BMP5: variants seen among roughly 807,000 people sequenced by gnomAD.
BMP5 encodes the protein bone morphogenetic protein 5.
BMP5 carries 23 observed loss-of-function variants against 46.6 expected under a neutral mutation model. That is an observed-to-expected ratio of 0.49 (90% CI 0.35 to 0.70). The LOEUF (loss-of-function observed/expected upper bound fraction) is 0.70. BMP5 is among the 30% of genes least tolerant of loss of function. The probability of loss-of-function intolerance (pLI) is 0.00; values close to 1 mark genes in which losing one functional copy is unlikely to be tolerated. For missense variants in BMP5, 545 were observed against 565.6 expected, an observed-to-expected ratio of 0.96 and a Z score of 0.37; for synonymous variants, 204 against 191.9, an observed-to-expected ratio of 1.06 and a Z score of -0.52.
intron 3 of BMP5, among the ~76,000 whole-genome samples, chr6:55,776,093 T>C (rs912903154): frequency 6.6e-6 from 1 of 151,990 alleles, no homozygotes; most frequent in African/African-American, 2.4e-5. Flanking sequence ...ATCAAAGCAG[T>C]AAACCTTAAA....
At position 55,873,070 on chromosome 6, in the gene BMP5, A is replaced by G. The variant is rs559388319; in HGVS notation, c.490+1306T>C. Among the ~76,000 whole-genome samples, 41 of 151,984 alleles carry G rather than the reference A, an allele frequency of 2.7e-4. 1 individual carries two copies. In the South Asian group the frequency reaches 8.5e-3, roughly 31 times the overall value. On this transcript the variant is annotated intron_variant, in intron 1 of 6. Transcript: ENST00000370830. The stretch of plus-strand genomic sequence containing the variant: ...ACTTAATAATGAGACCTTTGTCTCT[A>G]GCAACATAAAACGTACGATTTATTA...
chr6:55,817,592 G>A (rs912194001), intron 2 of BMP5, among the ~76,000 whole-genome samples: 5 of 151,816 alleles, frequency 3.3e-5, no homozygotes, highest in African/African-American at 1.2e-4. Flanking sequence ...ACACACTGGG[G>A]ACTGTTGTGG....
At chr6:55,792,337 T>A (rs1027809688) in intron 3 of BMP5, among the ~76,000 whole-genome samples, 1 of 151,858 alleles carries the variant, frequency 6.6e-6, no homozygotes, top group Non-Finnish European at 1.5e-5. Flanking sequence ...ATCGAGACCA[T>A]CCTGGCTAAC....
intron 1 of BMP5, among the ~76,000 whole-genome samples, chr6:55,837,486 C>T (rs1225029870): frequency 1.4e-4 from 22 of 151,884 alleles, no homozygotes; most frequent in Admixed American, 1.4e-3. Context: ...TCATTAAGTA[C>T]TCCTTTATTT....
At chr6:55,854,396 T>A (rs2127551220) in intron 1 of BMP5, among the ~76,000 whole-genome samples, 1 of 152,088 alleles carries the variant, frequency 6.6e-6, no homozygotes, top group East Asian at 1.9e-4. Context: ...TTCATTTCAA[T>A]AAAATTAATG....
chr6:55,810,574 T>A (rs932138407), intron 2 of BMP5, among the ~76,000 whole-genome samples: 1 of 152,210 alleles, frequency 6.6e-6, no homozygotes, highest in African/African-American at 2.4e-5. Flanking sequence ...TCAACCATTT[T>A]TCATGCAGTG....
chr6:55,859,066 A>C (rs1777470534), intron 1 of BMP5, among the ~76,000 whole-genome samples: 1 of 152,212 alleles, frequency 6.6e-6, no homozygotes, highest in Non-Finnish European at 1.5e-5. Context: ...ACCATGGCAC[A>C]TGTATATCTA....
chr6:55,756,646 G>A lies in BMP5; in HGVS notation c.1216-964C>T, dbSNP rs565044876. On this transcript the variant is annotated intron_variant, in intron 6 of 6. Transcript: ENST00000370830. ...CCTCTTACAGTTTTGGCTGTACAAC[G>A]TCCTGGCTGAAATGATATAGGGGCC... Among the ~76,000 whole-genome samples the A allele has an allele frequency of 4.6e-5, 7 of 151,934 alleles. No homozygotes were observed. The South Asian group carries it at 8.3e-4, about 18-fold the overall frequency.
chr6:55,864,846 A>C (rs997200447), intron 1 of BMP5, among the ~76,000 whole-genome samples: 1 of 152,200 alleles, frequency 6.6e-6, no homozygotes, highest in Non-Finnish European at 1.5e-5. Context: ...CCTGTTTAAA[A>C]AATTATAAGT....
rs114646103 is a variant in BMP5, at chr6:55,833,417, T to C, written c.491-13570A>G. Among the ~76,000 whole-genome samples, 899 of 152,300 alleles carry C rather than the reference T, an allele frequency of 5.9e-3. 7 individuals carry two copies. The highest frequency in any genetic ancestry group is 0.02 in the African/African-American group (831 of 41,576). On this transcript the variant is annotated intron_variant, in intron 1 of 6. Transcript: ENST00000370830. Reference sequence around the variant, plus strand: ...CCTATGCCACATTGGTTTTAACACATAGTGAAAACAAAAATTATCTCAAAC... The same window carrying C: ...CCTATGCCACATTGGTTTTAACACACAGTGAAAACAAAAATTATCTCAAAC...
At chr6:55,787,295 T>A (rs1775472548) in intron 3 of BMP5, among the ~76,000 whole-genome samples, 1 of 151,744 alleles carries the variant, frequency 6.6e-6, no homozygotes, top group Non-Finnish European at 1.5e-5. Context: ...TTACTAAATT[T>A]AAGTAGATAT....
At chr6:55,808,807 C>A (rs923226931) in intron 2 of BMP5, among the ~76,000 whole-genome samples, 12 of 152,158 alleles carry the variant, frequency 7.9e-5, no homozygotes, top group African/African-American at 2.7e-4. Context: ...CCAGTCAGTT[C>A]TGATGACAGA....
chr6:55,839,315 T>C (rs1368827801), intron 1 of BMP5, among the ~76,000 whole-genome samples: 1 of 152,106 alleles, frequency 6.6e-6, no homozygotes, highest in African/African-American at 2.4e-5. Flanking sequence ...TTTTTATTTA[T>C]TCATCATTTA....
chr6:55,779,871 C>T (rs1775265785), intron 3 of BMP5, among the ~76,000 whole-genome samples: 1 of 151,846 alleles, frequency 6.6e-6, no homozygotes, highest in Non-Finnish European at 1.5e-5. Flanking sequence ...GTTTACATTG[C>T]TTTATAAATT....
chr6:55,855,029 A>T (rs1366274317), intron 1 of BMP5, among the ~76,000 whole-genome samples: 1 of 151,980 alleles, frequency 6.6e-6, no homozygotes, highest in Non-Finnish European at 1.5e-5. Flanking sequence ...TCCCCCCTAA[A>T]ATGACAAATT....
At chr6:55,789,737 A>T (rs1329041244) in intron 3 of BMP5, among the ~76,000 whole-genome samples, 1 of 152,084 alleles carries the variant, frequency 6.6e-6, no homozygotes, top group African/African-American at 2.4e-5. Context: ...AATTTTGTAA[A>T]ATTGGATATA....
At chr6:55,873,406 C>T (rs187729929) in intron 1 of BMP5, among the ~76,000 whole-genome samples, 152 of 151,880 alleles carry the variant, frequency 1.0e-3, no homozygotes, top group African/African-American at 3.6e-3. Context: ...AAAATATATT[C>T]GATGTTATTT....
chr6:55,804,446 A>C (rs1240584210), intron 2 of BMP5, among the ~76,000 whole-genome samples: 1 of 152,200 alleles, frequency 6.6e-6, no homozygotes, highest in Non-Finnish European at 1.5e-5. Flanking sequence ...TGATTTGGGA[A>C]ACCTAGCCTT....
intron 4 of BMP5, among the ~76,000 whole-genome samples, chr6:55,761,686 T>C (rs549539005): frequency 9.2e-5 from 14 of 152,136 alleles, no homozygotes; most frequent in Non-Finnish European, 1.9e-4. Context: ...ACTACCCTTT[T>C]AATATTGCAA....
Sources: gnomAD v4.1 joint callset for allele counts (sites outside exome capture counted in the v4.1 genomes callset) on GRCh38, gnomAD v4.1.1 for gene constraint, MANE v1.5 for transcripts, NCBI Gene and HGNC (gene_info 2026-07-23, HGNC 2026-07-21) for gene names.